PARD3B: variants seen among roughly 807,000 people sequenced by gnomAD.
PARD3B encodes the protein par-3 family cell polarity regulator beta.
In PARD3B, 103 loss-of-function variants were observed where a neutral mutation model predicts 130.2. The observed-to-expected ratio is 0.79, with a 90% CI of 0.67 to 0.93. PARD3B has a LOEUF of 0.93. Ranked by LOEUF, PARD3B falls within the 40% of genes least tolerant of loss-of-function variation. The pLI is 0.00. For missense variants in PARD3B, 1,609 were observed against 1,499.2 expected (o/e 1.07, Z -1.21); for synonymous variants, 583 against 553.2 (o/e 1.05, Z -0.76).
intron 2 of PARD3B, among the ~76,000 whole-genome samples, chr2:204,776,351 T>C (rs929733680): frequency 1.3e-5 from 2 of 152,088 alleles, no homozygotes; most frequent in Non-Finnish European, 2.9e-5. Context: ...ATGGAGGTGA[T>C]TTATTGAAAA....
intron 10 of PARD3B, among the ~76,000 whole-genome samples, chr2:205,155,061 CAA>C (rs10711367): frequency 0.017 from 2,457 of 148,188 alleles, 38 homozygotes; most frequent in Non-Finnish European, 0.027. Flanking sequence ...AATTTCATTT[CAA>C]AAAAAAAAAC....
At chr2:205,487,984 G>A (rs531416264) in intron 20 of PARD3B, among the ~76,000 whole-genome samples, 36 of 152,266 alleles carry the variant, frequency 2.4e-4, no homozygotes, top group African/African-American at 7.7e-4. Context: ...GTTCAAGAAG[G>A]TGAACGATAA....
At chr2:205,540,788 C>A (rs186386046) in intron 21 of PARD3B, among the ~76,000 whole-genome samples, 148 of 152,306 alleles carry the variant, frequency 9.7e-4, no homozygotes, top group Non-Finnish European at 1.6e-3. Context: ...AGTTGGCAAG[C>A]ATGCATTATT....
At chr2:205,445,027 G>GAGC (rs1341236711) in intron 20 of PARD3B, among the ~76,000 whole-genome samples, 2 of 152,150 alleles carry the variant, frequency 1.3e-5, no homozygotes, top group Non-Finnish European at 2.9e-5. Context: ...GACAAAGAGA[G>GAGC]AGCAGAGTTA....
chr2:204,855,921 A>G (rs1249960951), intron 2 of PARD3B, among the ~76,000 whole-genome samples: 3 of 152,200 alleles, frequency 2.0e-5, no homozygotes, highest in Admixed American at 6.6e-5. Context: ...CAGTGTAAAC[A>G]TACCACATTT....
At chr2:204,818,992 T>G (rs1372938627) in intron 2 of PARD3B, among the ~76,000 whole-genome samples, 1 of 152,142 alleles carries the variant, frequency 6.6e-6, no homozygotes, top group African/African-American at 2.4e-5. Flanking sequence ...ACTAAGATGA[T>G]CCATGTGGTG....
At chr2:205,479,956 G>A (rs1163383268) in intron 20 of PARD3B, among the ~76,000 whole-genome samples, 1 of 145,542 alleles carries the variant, frequency 6.9e-6, no homozygotes, top group East Asian at 2.1e-4. Context: ...AGCCTGGAGT[G>A]CACTGGTGCA....
intron 2 of PARD3B, among the ~76,000 whole-genome samples, chr2:204,903,737 T>A (rs930526689): frequency 6.6e-6 from 1 of 152,186 alleles, no homozygotes; most frequent in African/African-American, 2.4e-5. Flanking sequence ...ATCATTGCAG[T>A]GTCCTTTTAT....
chr2:205,184,273 C>A (rs2035967898), intron 13 of PARD3B, among the ~76,000 whole-genome samples: 1 of 152,092 alleles, frequency 6.6e-6, no homozygotes, highest in South Asian at 2.1e-4. Flanking sequence ...GGTTTTATCA[C>A]CAACAGCAGT....
chr2:205,323,883 C>G (rs1458450321), intron 18 of PARD3B, among the ~76,000 whole-genome samples: 1 of 152,176 alleles, frequency 6.6e-6, no homozygotes, highest in Non-Finnish European at 1.5e-5. Flanking sequence ...TAGATCCCAT[C>G]AAGTGTAAAC....
At position 205,421,005 on chromosome 2, in the gene PARD3B, G is replaced by A. The variant is rs1265227455; in HGVS notation, c.2742-19365G>A. Among the ~76,000 whole-genome samples the A allele has an allele frequency of 6.6e-6, 1 of 152,136 alleles. No individual in the cohort carries two copies. The highest frequency in any genetic ancestry group is 6.5e-5 in the Admixed American group (1 of 15,270). On this transcript the variant is annotated intron_variant, in intron 19 of 22. Transcript: ENST00000406610. The surrounding 1 kb of genome is among the most constrained non-coding windows in gnomAD (Gnocchi z 5.1). ...AAAATACAAAAATTAGCTGGATGTG[G>A]TGGGGCGTGCCCATAGTCCCAGCTA...
In PARD3B at chr2:205,361,079, G is replaced by A. The variant is rs566540016; in HGVS notation, c.2631-39934G>A. Among the ~76,000 whole-genome samples the A allele has an allele frequency of 6.5e-4, 99 of 152,142 alleles. 1 individual carries two copies. Among genetic ancestry groups the A allele is most frequent in the African/African-American group, 2.3e-3 (95 of 41,514 alleles). On this transcript the variant is annotated intron_variant, in intron 18 of 22. Coordinates refer to ENST00000406610, the MANE Select transcript of PARD3B (RefSeq NM_001302769.2). ...TTTGTCCATGTTTGTTGAGTTGAACGTAATTTGGAGGAATGGTATAAGGAT... is the reference window on the plus strand; with the variant it reads ...TTTGTCCATGTTTGTTGAGTTGAACATAATTTGGAGGAATGGTATAAGGAT...
intron 1 of PARD3B, among the ~76,000 whole-genome samples, chr2:204,612,391 T>G (rs1412679111): frequency 6.6e-6 from 1 of 152,224 alleles, no homozygotes; most frequent in Non-Finnish European, 1.5e-5. Flanking sequence ...GTGCCCAGTT[T>G]GTGATCTCTG....
intron 1 of PARD3B, among the ~76,000 whole-genome samples, chr2:204,643,797 T>G (rs2035176801): frequency 6.6e-6 from 1 of 152,174 alleles, no homozygotes; most frequent in African/African-American, 2.4e-5. Context: ...TGCAAATTCT[T>G]CTGGACATAT....
At chr2:205,465,317 T>G (rs750115690) in intron 20 of PARD3B, among the ~76,000 whole-genome samples, 23 of 152,124 alleles carry the variant, frequency 1.5e-4, no homozygotes, top group Non-Finnish European at 2.9e-4. Context: ...CTATTAGTAT[T>G]CCCAAGGTAC....
chr2:205,481,018 ATCTC>A (rs1229546556), intron 20 of PARD3B, among the ~76,000 whole-genome samples: 1 of 152,138 alleles, frequency 6.6e-6, no homozygotes, highest in East Asian at 1.9e-4. Flanking sequence ...GTGAGAAAGA[ATCTC>A]TCTGTGAGCA....
intron 2 of PARD3B, among the ~76,000 whole-genome samples, chr2:204,705,481 T>C (rs1202281686): frequency 6.6e-6 from 1 of 152,124 alleles, no homozygotes; most frequent in Non-Finnish European, 1.5e-5. Flanking sequence ...ATGAGGGCCA[T>C]TCAAAAAATT....
chr2:204,797,753 A>G (rs1205543558), intron 2 of PARD3B, among the ~76,000 whole-genome samples: 1 of 152,154 alleles, frequency 6.6e-6, no homozygotes. Context: ...TTTATTGCCA[A>G]ATTAGTGCTT....
chr2:205,097,022 G>A (rs1388708476), intron 4 of PARD3B, among the ~76,000 whole-genome samples: 1 of 152,048 alleles, frequency 6.6e-6, no homozygotes, highest in Non-Finnish European at 1.5e-5. Context: ...CTTAGGAAAC[G>A]GGGGTCCCAA....
Sources: allele counts gnomAD v4.1 joint callset (sites outside exome capture counted in the v4.1 genomes callset), GRCh38; gene constraint gnomAD v4.1.1; non-coding constraint Gnocchi (gnomAD v3.1); transcripts MANE v1.5; gene names NCBI Gene and HGNC (gene_info 2026-07-23, HGNC 2026-07-21).